Variants in ITSN2 observed in about 807,000 individuals in gnomAD.
The protein encoded by ITSN2 is intersectin-2.
A neutral mutation model predicts 243.7 loss-of-function variants in ITSN2; 156 were observed. The observed-to-expected ratio is 0.64, with a 90% CI of 0.56 to 0.73. ITSN2 has a LOEUF of 0.73. ITSN2 is among the 30% of genes least tolerant of loss of function. The probability of loss-of-function intolerance (pLI) is 0.00; values close to 1 mark genes in which losing one functional copy is unlikely to be tolerated. For missense variants in ITSN2, 1,801 were observed against 1,996.1 expected, an observed-to-expected ratio of 0.90 and a Z score of 1.86; for synonymous variants, 703 against 699.9, an observed-to-expected ratio of 1.00 and a Z score of -0.07.
chr2:24,210,716 C>T, intron 34 of ITSN2, 64 bp downstream of exon 34: 2 of 1,519,556 alleles, frequency 1.3e-6, no homozygotes, highest in East Asian at 4.6e-5. Context: ...TGAGGGAAGG[C>T]TCGGAGCTGG....
intron 8 of ITSN2, among the ~76,000 whole-genome samples, chr2:24,307,549 G>A (rs982728456): frequency 1.3e-5 from 2 of 152,154 alleles, no homozygotes; most frequent in East Asian, 3.8e-4. Flanking sequence ...GAATCTATCC[G>A]TGTTCCTTGA....
intron 37 of ITSN2, 71 bp downstream of exon 37, chr2:24,208,166 A>G (rs772923158): frequency 7.9e-6 from 10 of 1,262,890 alleles, no homozygotes; most frequent in Non-Finnish European, 1.2e-5. Flanking sequence ...CATCAGCCTG[A>G]CTGCAGGAGC....
intron 1 of ITSN2, chr2:24,330,769 T>C (rs1486886517): frequency 1.0e-5 from 5 of 496,850 alleles, no homozygotes; most frequent in Non-Finnish European, 1.8e-5. Context: ...AATTTCATTT[T>C]ACTTTTTTTT....
chr2:24,312,083 T>C (rs2151745940), intron 5 of ITSN2, 129 bp downstream of exon 5: 1 of 719,334 alleles, frequency 1.4e-6, no homozygotes, highest in Non-Finnish European at 2.2e-6. Context: ...TTATTATCTC[T>C]AACATGAAAA....
chr2:24,310,167 T>A (rs1386851708), intron 7 of ITSN2, 117 bp downstream of exon 7: 11 of 633,458 alleles, frequency 1.7e-5, no homozygotes, highest in Middle Eastern at 5.5e-4. Flanking sequence ...CTTAAGTATT[T>A]GTACTTGGCC....
chr2:24,261,431 G>T, intron 21 of ITSN2, 130 bp downstream of exon 21: 2 of 919,750 alleles, frequency 2.2e-6, no homozygotes, highest in Non-Finnish European at 3.3e-6. Context: ...ATTAAATCTG[G>T]AACAAAAAGT....
At position 24,286,333 on chromosome 2, in the gene ITSN2, A is replaced by G; in HGVS notation, c.1742T>C (p.Leu581Pro). ...TTCCTTTTCTAATGATTTTTTATGA[A>G]GTAAACTGACCCCTGAATCTGAAAA... Reference protein sequence around the residue: ...SNTPDSGVSLLHKKSLEKEEL... With the variant: ...SNTPDSGVSLPHKKSLEKEEL... The change falls in exon 16 of 40, where the codon CTT becomes CCT. Residue 581 changes from leucine (L) to proline (P), a missense_variant. By Grantham distance (98) the Leu-to-Pro change is moderately conservative. This residue lies in a region of ITSN2 where 787 missense variants were observed against 803.9 expected (regional missense o/e 0.98). Transcript: ENST00000355123. The G allele has an allele frequency of 1.2e-6, 2 of 1,612,052 alleles. No homozygotes were observed. The highest frequency in any genetic ancestry group is 1.3e-5 in the African/African-American group (1 of 74,974).
intron 2 of ITSN2, chr2:24,321,929 T>C (rs745995216): frequency 2.6e-5 from 4 of 152,124 alleles, no homozygotes; most frequent in Non-Finnish European, 5.9e-5. Context: ...GTAAGGAAAC[T>C]GAAAACCCAT....
At chr2:24,309,480 G>C (rs538581744) in intron 7 of ITSN2, among the ~76,000 whole-genome samples, 1 of 152,178 alleles carries the variant, frequency 6.6e-6, no homozygotes. Flanking sequence ...GATTACAGGC[G>C]TGAGCCACTG....
At chr2:24,218,097 A>T in intron 30 of ITSN2, 84 bp from the exon 31 acceptor site, 1 of 815,894 alleles carries the variant, frequency 1.2e-6, no homozygotes, top group South Asian at 1.5e-5. Context: ...ATGTCTTCAT[A>T]AACTGAAACT....
chr2:24,298,033 G>GGTAACA (rs1681206043), intron 13 of ITSN2, among the ~76,000 whole-genome samples: 5 of 146,892 alleles, frequency 3.4e-5, no homozygotes, highest in Non-Finnish European at 6.0e-5. Context: ...TACCTAGGCT[G>GGTAACA]GAGTGCAGTG....
At chr2:24,355,875 G>A (rs1373995888) in intron 1 of ITSN2, among the ~76,000 whole-genome samples, 2 of 151,876 alleles carry the variant, frequency 1.3e-5, no homozygotes, top group South Asian at 2.1e-4. Context: ...GACCAGCCTG[G>A]CCTGCATGGT....
chr2:24,226,372 G>C (rs1452269565), intron 29 of ITSN2, among the ~76,000 whole-genome samples: 1 of 152,218 alleles, frequency 6.6e-6, no homozygotes, highest in East Asian at 1.9e-4. Context: ...ACAGGGTGGA[G>C]TAGGAAAAAT....
chr2:24,210,634 A>AAT, intron 34 of ITSN2, 146 bp downstream of exon 34: 2 of 591,812 alleles, frequency 3.4e-6, no homozygotes, highest in Non-Finnish European at 5.5e-6. Flanking sequence ...AAAAAAAAAA[A>AAT]GAAAAAAAAA....
At chr2:24,292,966 T>G (rs1205723550) in intron 15 of ITSN2, among the ~76,000 whole-genome samples, 1 of 152,228 alleles carries the variant, frequency 6.6e-6, no homozygotes, top group Admixed American at 6.5e-5. Context: ...TGATAGAGAC[T>G]CAATGAGTGA....
At chr2:24,280,261 C>T (rs1678601808) in intron 17 of ITSN2, among the ~76,000 whole-genome samples, 2 of 152,174 alleles carry the variant, frequency 1.3e-5, no homozygotes, top group Non-Finnish European at 2.9e-5. Flanking sequence ...CGGTGCTCTA[C>T]TATCACAAAG....
At chr2:24,222,096 C>CA (rs1413798386) in intron 29 of ITSN2, among the ~76,000 whole-genome samples, 1 of 151,762 alleles carries the variant, frequency 6.6e-6, no homozygotes, top group Admixed American at 6.6e-5. Context: ...ACTAAAATTA[C>CA]AAAAAATTAG....
At position 24,203,735 on chromosome 2, in the gene ITSN2, T is replaced by G. The variant is rs141928614; in HGVS notation, c.4985A>C (p.Gln1662Pro). The change falls in exon 40 of 40, where the codon CAG becomes CCG. Residue 1662 changes from glutamine (Q) to proline (P), a missense_variant. By Grantham distance (76) the Gln-to-Pro change is moderately conservative (BLOSUM62 -1). Around this residue, in one of 5 missense-constraint regions of ITSN2, gnomAD observed 928 missense variants for 1,065.4 expected, o/e 0.87. Coordinates refer to ENST00000355123, the MANE Select transcript of ITSN2 (RefSeq NM_006277.3). Reference sequence around the variant, plus strand: ...GCGGGTCATAGGGCCTTTGCTTTCCTGTTCTGTTCGAATTTTTGCCACTGG... The same window carrying G: ...GCGGGTCATAGGGCCTTTGCTTTCCGGTTCTGTTCGAATTTTTGCCACTGG... Reference protein sequence around the residue: ...EIPVAKIRTEQESKGPMTRRL... With the variant: ...EIPVAKIRTEPESKGPMTRRL... The G allele has an allele frequency of 5.9e-5, 96 of 1,614,112 alleles. No homozygotes were observed. The highest frequency in any genetic ancestry group is 7.5e-5 in the Non-Finnish European group (88 of 1,180,050).
At chr2:24,269,948 A>G (rs1174077581) in intron 20 of ITSN2, among the ~76,000 whole-genome samples, 2 of 152,162 alleles carry the variant, frequency 1.3e-5, no homozygotes, top group African/African-American at 4.8e-5. Flanking sequence ...CAATGGCAAG[A>G]GCAGGAATGT....
Sources: allele counts gnomAD v4.1 joint callset (sites outside exome capture counted in the v4.1 genomes callset), GRCh38; gene constraint gnomAD v4.1.1; regional missense constraint gnomAD v4.1.1; transcripts MANE v1.5; gene names NCBI Gene and HGNC (gene_info 2026-07-23, HGNC 2026-07-21).